CALD1: variants seen among roughly 807,000 people sequenced by gnomAD.
The protein encoded by CALD1 is caldesmon.
CALD1 carries 33 observed loss-of-function variants against 99.9 expected under a neutral mutation model. The ratio of observed to expected loss-of-function variants is 0.33; its 90% CI spans 0.25 to 0.44. CALD1 has a LOEUF of 0.44. CALD1 is among the 20% of genes least tolerant of loss of function. CALD1 has a pLI of 1.00. For missense variants in CALD1, 861 were observed against 962.1 expected (o/e 0.89, Z 1.39); for synonymous variants, 310 against 325.0 (o/e 0.95, Z 0.50).
intron 1 of CALD1, among the ~76,000 whole-genome samples, chr7:134,766,561 T>C (rs1233255289): frequency 6.6e-6 from 1 of 152,208 alleles, no homozygotes; most frequent in Non-Finnish European, 1.5e-5. Context: ...TAAATGTTTA[T>C]TGTGTGTAAG....
At chr7:134,722,397 A>G in the CALD1 span, among the ~76,000 whole-genome samples, 8 of 143,784 alleles carry the variant, frequency 5.6e-5, no homozygotes, top group African/African-American at 2.1e-4. Flanking sequence ...GATTTTGTTT[A>G]TTTATTTATT....
At chr7:134,766,141 CTTT>C (rs71172475) in intron 1 of CALD1, among the ~76,000 whole-genome samples, 3,637 of 70,400 alleles carry the variant, frequency 0.052, 58 homozygotes, top group African/African-American at 0.15. Flanking sequence ...CTTTTCTTTT[CTTT>C]TTTTTTTTTT....
chr7:134,849,911 G>T (rs1021392389), intron 2 of CALD1, among the ~76,000 whole-genome samples: 1 of 152,014 alleles, frequency 6.6e-6, no homozygotes, highest in African/African-American at 2.4e-5. Flanking sequence ...TAATCTTCAG[G>T]TCCCACAAAA....
intron 1 of CALD1, among the ~76,000 whole-genome samples, chr7:134,806,839 G>A (rs1195889316): frequency 6.6e-6 from 1 of 152,034 alleles, no homozygotes; most frequent in Admixed American, 6.6e-5. Context: ...GTGGTCAAAG[G>A]AGAATTTTTT....
At chr7:134,962,041 A>G (rs1808306725) in intron 13 of CALD1, 16 of 152,184 alleles carry the variant, frequency 1.1e-4, no homozygotes, top group Admixed American at 1.0e-3. Flanking sequence ...CAAGATAGTA[A>G]GTAAGGAGAG....
intron 3 of CALD1, chr7:134,920,834 G>C (rs1586309542): frequency 2.1e-6 from 1 of 470,176 alleles, no homozygotes; most frequent in East Asian, 7.1e-5. Context: ...CAAAATATAG[G>C]AATGTGCAGA....
chr7:134,731,900 C>T, the CALD1 span, among the ~76,000 whole-genome samples: 6 of 152,184 alleles, frequency 3.9e-5, 1 homozygote, highest in South Asian at 1.2e-3. Context: ...TAAATTTATC[C>T]CTTGCCACAC....
upstream of CALD1, among the ~76,000 whole-genome samples, chr7:134,743,713 T>A (rs1301781017): frequency 6.6e-6 from 1 of 152,250 alleles, no homozygotes; most frequent in African/African-American, 2.4e-5. Context: ...TATCCTAACA[T>A]AATCTGTGAC....
intron 2 of CALD1, among the ~76,000 whole-genome samples, chr7:134,860,340 T>G (rs10231387): frequency 0.66 from 99,952 of 151,694 alleles, 33,377 homozygotes; most frequent in East Asian, 0.94. Context: ...TGATTTTTTT[T>G]GAAAAGAACA....
At chr7:134,873,222 CA>C (rs71531836) in intron 3 of CALD1, among the ~76,000 whole-genome samples, 5 of 150,686 alleles carry the variant, frequency 3.3e-5, no homozygotes, top group African/African-American at 7.3e-5. Flanking sequence ...ACCCAAAAAA[CA>C]AAAAAAAACA....
rs183397522 is a variant in CALD1 at position 134,810,599 on chromosome 7, T to G, written c.-130+30850T>G. On this transcript the variant is annotated intron_variant, in intron 1 of 14. Coordinates refer to ENST00000361675, the MANE Select transcript of CALD1 (RefSeq NM_033138.4). ...GAGGATCAAACCATTGACTTTATCT[T>G]TAGGGTTTCTCCCATGATAGCTGAA... Among the ~76,000 whole-genome samples the G allele has an allele frequency of 1.5e-4, 23 of 152,256 alleles. No homozygotes were observed. In the East Asian group the frequency reaches 3.5e-3, roughly 23 times the overall value.
chr7:134,813,749 C>T (rs377004283), intron 1 of CALD1, among the ~76,000 whole-genome samples: 1 of 152,114 alleles, frequency 6.6e-6, no homozygotes, highest in African/African-American at 2.4e-5. Flanking sequence ...CACTAAGGAC[C>T]CAGTTGACAT....
chr7:134,950,984 G>C (rs1807292081), intron 9 of CALD1, among the ~76,000 whole-genome samples: 1 of 152,174 alleles, frequency 6.6e-6, no homozygotes, highest in Non-Finnish European at 1.5e-5. Flanking sequence ...CAGTTTTGGA[G>C]GCTGGAAAGT....
chr7:134,892,397 T>C (rs1270454592), intron 3 of CALD1, among the ~76,000 whole-genome samples: 1 of 152,228 alleles, frequency 6.6e-6, no homozygotes, highest in Non-Finnish European at 1.5e-5. Context: ...CACTGGTGTT[T>C]ATGAGGTTTG....
In CALD1 at chr7:134,920,255, A is replaced by G. The variant is rs1176314766; in HGVS notation, c.72-8499A>G. 2.8e-5 allele frequency among the ~76,000 whole-genome samples: 4 copies of G among 144,658 alleles called. No homozygotes were observed. The East Asian group carries it at 1.0e-3, about 38-fold the overall frequency. 94.9% of individuals were successfully genotyped at this position (144,658 alleles called of 152,430 possible). A position where few individuals can be genotyped will look rare whatever the true frequency, so the allele number is the denominator to read the frequency against. ...TGTTTGGAGAATGTGCTTGTATTTC[A>G]TGCTATGAAATAAAATCCCTGGGGG... On this transcript the variant is annotated intron_variant, in intron 3 of 14. Transcript: ENST00000361675.
chr7:134,916,047 A>G (rs993552422), intron 3 of CALD1, among the ~76,000 whole-genome samples: 1 of 152,212 alleles, frequency 6.6e-6, no homozygotes, highest in Non-Finnish European at 1.5e-5. Flanking sequence ...CAAAGCATCC[A>G]TGATTTGGCC....
chr7:134,801,689 G>A (rs974745331), intron 1 of CALD1, among the ~76,000 whole-genome samples: 6 of 152,126 alleles, frequency 3.9e-5, no homozygotes, highest in South Asian at 2.1e-4. Flanking sequence ...GCACAGCCAC[G>A]GCTCACTGCA....
chr7:134,859,173 T>C (rs1800453622), intron 2 of CALD1, among the ~76,000 whole-genome samples: 1 of 152,236 alleles, frequency 6.6e-6, no homozygotes, highest in South Asian at 2.1e-4. Flanking sequence ...GGGTCTACCC[T>C]TTCCATGCAC....
At chr7:134,915,254 T>C (rs1586292407) in intron 3 of CALD1, among the ~76,000 whole-genome samples, 1 of 152,230 alleles carries the variant, frequency 6.6e-6, no homozygotes, top group East Asian at 1.9e-4. Flanking sequence ...CAGTTCTGAA[T>C]TGAACTGTCC....
Sources: allele counts gnomAD v4.1 joint callset (sites outside exome capture counted in the v4.1 genomes callset), GRCh38; gene constraint gnomAD v4.1.1; transcripts MANE v1.5; gene names NCBI Gene and HGNC (gene_info 2026-07-23, HGNC 2026-07-21).